The following KIAA0586 variants were observed in gnomAD, a reference collection of about 807,000 sequenced individuals.
The protein encoded by KIAA0586 is KIAA0586.
KIAA0586 carries 144 observed loss-of-function variants against 169.8 expected under a neutral mutation model. The ratio of observed to expected loss-of-function variants is 0.85; its 90% confidence interval spans 0.74 to 0.97. The LOEUF (loss-of-function observed/expected upper bound fraction) is 0.97, where lower values mean the gene tolerates loss of function less well. KIAA0586 is among the 50% of genes least tolerant of loss of function. The pLI is 0.00. For synonymous variants in KIAA0586, 625 were observed against 612.4 expected (o/e 1.02, Z -0.30); for missense variants, 1,854 against 1,823.0 (o/e 1.02, Z -0.31).
chr14:58,457,466 C>T (rs1299932843), intron 10 of KIAA0586, among the ~76,000 whole-genome samples: 1 of 152,174 alleles, frequency 6.6e-6, no homozygotes, highest in Non-Finnish European at 1.5e-5. Context: ...CAGGGTTTCA[C>T]CATGTTGGCC....
intron 29 of KIAA0586, among the ~76,000 whole-genome samples, chr14:58,524,988 A>T (rs2139929170): frequency 1.3e-5 from 2 of 152,262 alleles, no homozygotes; most frequent in East Asian, 3.9e-4. Flanking sequence ...AACAGGCATG[A>T]GCCACCATGC....
chr14:58,539,064 A>T (rs28464638), intron 29 of KIAA0586, among the ~76,000 whole-genome samples: 1 of 151,976 alleles, frequency 6.6e-6, no homozygotes, highest in Non-Finnish European at 1.5e-5. Flanking sequence ...ACAGGCATGA[A>T]CCACCTCACC....
chr14:58,464,747 G>T (rs2040603204), intron 14 of KIAA0586, among the ~76,000 whole-genome samples: 2 of 152,120 alleles, frequency 1.3e-5, no homozygotes, highest in Non-Finnish European at 2.9e-5. Flanking sequence ...GCCCTAACAT[G>T]TACTATGTTC....
intron 21 of KIAA0586, among the ~76,000 whole-genome samples, chr14:58,484,913 TATATATATATA>T (rs1272908057): frequency 5.8e-5 from 1 of 17,332 alleles, no homozygotes; most frequent in African/African-American, 1.8e-4. Flanking sequence ...TATATATATA[TATATATATATA>T]TTTTTTTTTT....
intron 27 of KIAA0586, among the ~76,000 whole-genome samples, chr14:58,500,708 C>T (rs776415464): frequency 4.5e-5 from 6 of 132,538 alleles, no homozygotes; most frequent in Non-Finnish European, 7.9e-5. Flanking sequence ...GCAGCAAGAG[C>T]GAGTCTCTGC....
chr14:58,470,865 T>G (rs987490910), intron 17 of KIAA0586, 142 bp downstream of exon 17: 15 of 505,676 alleles, frequency 3.0e-5, no homozygotes, highest in Non-Finnish European at 4.9e-5. Flanking sequence ...CAATTTTTTT[T>G]TTTTCAGTCA....
intron 6 of KIAA0586, among the ~76,000 whole-genome samples, chr14:58,445,855 T>A (rs1323612056): frequency 6.6e-6 from 1 of 151,818 alleles, no homozygotes; most frequent in East Asian, 1.9e-4. Flanking sequence ...AATTTCCTTT[T>A]TTTTCTAATA....
At chr14:58,443,554 C>A (rs532848669) in intron 5 of KIAA0586, among the ~76,000 whole-genome samples, 29 of 152,230 alleles carry the variant, frequency 1.9e-4, no homozygotes, top group Middle Eastern at 3.4e-3. Flanking sequence ...TCCCGAGTAG[C>A]TGGGACTACA....
chr14:58,447,549 C>T lies in KIAA0586; in HGVS notation c.808-791C>T, dbSNP rs182011321. Among the ~76,000 whole-genome samples the T allele has an allele frequency of 2.8e-3, 423 of 151,908 alleles. 4 individuals carry two copies. The highest frequency in any genetic ancestry group is 9.7e-3 in the African/African-American group (403 of 41,416). ...AGGCTGGAGTGTAGTGGCACCATTT[C>T]GGCTCACTGCCACCTCCGTGTCCCG... On this transcript the variant is annotated intron_variant, in intron 6 of 30. Coordinates refer to ENST00000652326, the MANE Select transcript of KIAA0586 (RefSeq NM_001329943.3).
intron 20 of KIAA0586, among the ~76,000 whole-genome samples, chr14:58,480,474 A>T (rs1366409485): frequency 1.3e-5 from 2 of 151,798 alleles, no homozygotes; most frequent in African/African-American, 4.8e-5. Flanking sequence ...TTTCCTCCTG[A>T]CATTAGTTAT....
chr14:58,432,544 CTA>C, intron 4 of KIAA0586, 87 bp downstream of exon 4: 1 of 697,910 alleles, frequency 1.4e-6, no homozygotes, highest in Non-Finnish European at 2.4e-6. Context: ...AACCTTTTCA[CTA>C]TGTGAAATAT....
intron 23 of KIAA0586, 39 bp from the exon 24 acceptor site, chr14:58,488,582 G>C: frequency 6.2e-7 from 1 of 1,604,846 alleles, no homozygotes. Context: ...CAGGCCTTCA[G>C]TGACCTAACA....
rs2039563082 is a variant in KIAA0586 at position 58,453,386 on chromosome 14, A to G, written c.1166A>G (p.Asn389Ser). The G allele has an allele frequency of 2.1e-6, 3 of 1,422,074 alleles. No individual in the cohort carries two copies. Among genetic ancestry groups the G allele is most frequent in the Non-Finnish European group, 2.9e-6 (3 of 1,043,914 alleles). The allele number at this position is 1,422,074 out of a possible 1,614,324, so 88.1% of individuals were successfully genotyped here. A position where few individuals can be genotyped will look rare whatever the true frequency, so the allele number is the denominator to read the frequency against. The change falls in exon 9 of 31, where the codon AAT (asparagine) becomes AGT (serine). Residue 389 changes from asparagine to serine, a missense_variant. Transcript: ENST00000652326. ...CTATTGGAACAAATTTTGAATAATA[A>G]TGATTCTTTGACAAGAAAAAGTGAA... ...VRLLEQILNN[N>S]DSLTRKSESS...
At chr14:58,427,632 T>C (rs1251319519), upstream of KIAA0586, 6 of 1,535,426 alleles carry the variant, frequency 3.9e-6, no homozygotes, top group Non-Finnish European at 5.2e-6. Flanking sequence ...TGGTTGGATG[T>C]TTTGGGTGAG....
At chr14:58,531,964 T>C (rs2045997170) in intron 29 of KIAA0586, among the ~76,000 whole-genome samples, 1 of 151,544 alleles carries the variant, frequency 6.6e-6, no homozygotes, top group Non-Finnish European at 1.5e-5. Context: ...ATGTTCTCAC[T>C]CATAAGTGGG....
At chr14:58,469,641 A>G (rs1212450268) in intron 16 of KIAA0586, among the ~76,000 whole-genome samples, 1 of 152,206 alleles carries the variant, frequency 6.6e-6, no homozygotes, top group Non-Finnish European at 1.5e-5. Context: ...ACACAGTAAG[A>G]ACATATGAAA....
chr14:58,462,179 T>TA (rs1383313278), intron 14 of KIAA0586, among the ~76,000 whole-genome samples: 1 of 152,180 alleles, frequency 6.6e-6, no homozygotes, highest in Non-Finnish European at 1.5e-5. Context: ...GCATATAGCT[T>TA]ATGGGTGATA....
rs772996867 is a variant in KIAA0586, at chr14:58,477,182, T to C, written c.2885T>C (p.Ile962Thr). The C allele has an allele frequency of 3.8e-6, 6 of 1,585,612 alleles. No homozygotes were observed. In the Admixed American group the frequency reaches 7.1e-5, roughly 19 times the overall value. The stretch of plus-strand genomic sequence containing the variant: ...GGGCTCTTTCCAGTCCAGCAACAGA[T>C]TGCACCTAGTATCAGTGTTTCAGTC... Reference protein sequence around the residue: ...ISGLFPVQQQIAPSISVSVSE... With the variant: ...ISGLFPVQQQTAPSISVSVSE... Residue 962 changes from isoleucine (I) to threonine (T), a missense_variant, in exon 20 of 31, where the codon ATT becomes ACT. Ile to Thr is a moderately conservative substitution (Grantham distance 89). Transcript: ENST00000652326.
intron 8 of KIAA0586, among the ~76,000 whole-genome samples, chr14:58,452,417 A>G (rs752310641): frequency 5.9e-5 from 9 of 152,240 alleles, no homozygotes; most frequent in Non-Finnish European, 1.2e-4. Flanking sequence ...TCTTAGACAC[A>G]TTTAAAGAAT....
Sources: gnomAD v4.1 joint callset for allele counts (sites outside exome capture counted in the v4.1 genomes callset) on GRCh38, gnomAD v4.1.1 for gene constraint, MANE v1.5 for transcripts, NCBI Gene and HGNC (gene_info 2026-07-23, HGNC 2026-07-21) for gene names.